Variants in TMEM63B observed in about 807,000 individuals in gnomAD.
TMEM63B encodes the protein mechanosensitive cation channel TMEM63B.
Under a neutral mutation model 102.6 loss-of-function variants are expected in TMEM63B, and 23 were observed. The ratio of observed to expected loss-of-function variants is 0.22; its 90% CI spans 0.16 to 0.32. TMEM63B has a LOEUF of 0.32. Ranked by LOEUF, TMEM63B falls within the 10% of genes least tolerant of loss-of-function variation. The pLI, the probability that TMEM63B is intolerant of heterozygous loss-of-function variation, is 1.00. For synonymous variants in TMEM63B, 444 were observed against 437.0 expected, an observed-to-expected ratio of 1.02 and a Z score of -0.20; for missense variants, 628 against 1,095.9, an observed-to-expected ratio of 0.57 and a Z score of 6.03.
chr6:44,147,090 G>A lies in TMEM63B; in HGVS notation c.863+163G>A, dbSNP rs543242145. Among the ~76,000 whole-genome samples, 3 of 152,290 alleles carry A rather than the reference G, an allele frequency of 2.0e-5. No homozygotes were observed. The East Asian group carries it at 5.8e-4, about 29-fold the overall frequency. On this transcript the variant is annotated intron_variant, in intron 11 of 23. Transcript: ENST00000323267. ...TTAATTCAGCTCTGGAAAGAGCAAG[G>A]CCTGGAGGTTAGAGTTTGTTGTGAG...
In TMEM63B at chr6:44,154,024, G is replaced by A. The variant is rs757804686; in HGVS notation, c.2111-49G>A. 3.1e-6 allele frequency: 5 copies of A among 1,591,660 alleles called. No homozygotes were observed. In the East Asian group the frequency reaches 1.1e-4, roughly 36 times the overall value. Reference sequence around the variant, plus strand: ...TCAGAGGGTATCAGAAGCTGGGGTGGGGAGGCCCACAGGAGATAGCAACCC... The same window carrying A: ...TCAGAGGGTATCAGAAGCTGGGGTGAGGAGGCCCACAGGAGATAGCAACCC... On this transcript the variant is annotated intron_variant, in intron 21 of 23. Coordinates refer to ENST00000323267, the MANE Select transcript of TMEM63B (RefSeq NM_018426.3).
At position 44,140,278 on chromosome 6, in the gene TMEM63B, C is replaced by T; in HGVS notation, c.629C>T (p.Ser210Phe). 6.2e-7 allele frequency: 1 copy of T among 1,614,054 alleles called. No individual in the cohort carries two copies. Among genetic ancestry groups the T allele is most frequent in the Non-Finnish European group, 8.5e-7 (1 of 1,179,976 alleles). Residue 210 changes from serine to phenylalanine, a missense_variant, in exon 9 of 24, where the codon TCC becomes TTC. Around this residue, in one of 6 missense-constraint regions of TMEM63B, gnomAD observed 336 missense variants for 580.3 expected, o/e 0.58. Coordinates refer to ENST00000323267, the MANE Select transcript of TMEM63B (RefSeq NM_018426.3). ...SGNNLLWLHT[S>F]FAFLYLLLTV... is the part of the protein sequence containing the mutation. ...AACAACCTGCTATGGCTGCACACCT[C>T]CTTCGCCTTCCTGTATCTGCTGCTC... is the stretch of plus-strand genomic sequence containing the variant.
chr6:44,144,741 C>T (rs1343533537), intron 10 of TMEM63B, among the ~76,000 whole-genome samples: 1 of 151,912 alleles, frequency 6.6e-6, no homozygotes, highest in East Asian at 1.9e-4. Context: ...GAACTACAGG[C>T]ACTCACCACC....
rs937657156 is a variant in TMEM63B at position 44,150,804 on chromosome 6, A to G, written c.1673+175A>G. Among the ~76,000 whole-genome samples, 2 of 152,216 alleles carry G rather than the reference A, an allele frequency of 1.3e-5. No homozygotes were observed. Among genetic ancestry groups the G allele is most frequent in the Non-Finnish European group, 2.9e-5 (2 of 68,036 alleles). ...CACCCACAAGGTGTCTTGGGTGTGT[A>G]TACATGGTAGAAGTCCCTGGGGTCT... On this transcript the variant is annotated intron_variant, in intron 18 of 23. Transcript: ENST00000323267. The surrounding 1 kb of genome is among the most constrained non-coding windows in gnomAD (Gnocchi z 4.7).
chr6:44,132,232 C>G (rs1196541416), intron 1 of TMEM63B: 3 of 983,430 alleles, frequency 3.1e-6, no homozygotes, highest in Non-Finnish European at 3.6e-6. Flanking sequence ...AAGATTAATG[C>G]TGTTGTGGAG....
chr6:44,151,711 G>A, intron 18 of TMEM63B, 135 bp from the exon 19 acceptor site: 1 of 1,027,532 alleles, frequency 9.7e-7, no homozygotes. Flanking sequence ...CAGGTGCTTG[G>A]GGCGCTAAGC....
upstream of TMEM63B, chr6:44,127,543 C>G (rs77423333): frequency 7.5e-6 from 1 of 133,562 alleles, no homozygotes; most frequent in East Asian, 2.5e-4. Flanking sequence ...TCCCCCCGCT[C>G]CCCCTCCCCC....
chr6:44,134,547 C>T lies in TMEM63B; in HGVS notation c.-24-14C>T, dbSNP rs1762558061. On this transcript the variant is annotated splice_polypyrimidine_tract_variant and intron_variant, in intron 1 of 23. Coordinates refer to ENST00000323267, the MANE Select transcript of TMEM63B (RefSeq NM_018426.3). Reference sequence around the variant, plus strand: ...TGGGGGCAAGCCCAGCTGACTGCTCCACCCTCTGCCCAGGAGGACCATGCG... The same window carrying T: ...TGGGGGCAAGCCCAGCTGACTGCTCTACCCTCTGCCCAGGAGGACCATGCG... 1.2e-6 allele frequency: 2 copies of T among 1,607,726 alleles called. No homozygotes were observed. The highest frequency in any genetic ancestry group is 2.2e-5 in the South Asian group (2 of 90,458).
chr6:44,130,907 C>A (rs1778137870), intron 1 of TMEM63B, among the ~76,000 whole-genome samples: 1 of 150,596 alleles, frequency 6.6e-6, no homozygotes, highest in Non-Finnish European at 1.5e-5. Context: ...GTGAGCCACC[C>A]CACCCTGCCT....
chr6:44,150,556 C>G lies in TMEM63B; in HGVS notation c.1608-8C>G. The G allele has an allele frequency of 2.5e-6, 4 of 1,614,134 alleles. No individual in the cohort carries two copies. The highest frequency in any genetic ancestry group is 3.4e-6 in the Non-Finnish European group (4 of 1,179,996). On this transcript the variant is annotated splice_polypyrimidine_tract_variant and splice_region_variant and intron_variant, in intron 17 of 23. Coordinates refer to ENST00000323267, the MANE Select transcript of TMEM63B (RefSeq NM_018426.3). The surrounding 1 kb of genome is among the most constrained non-coding windows in gnomAD (Gnocchi z 4.7). Reference sequence around the variant, plus strand: ...CTCCCACCCCATCTCTCCTCTGCTTCCCTCCAGCCTGGACCTCTTCTTCCG... The same window carrying G: ...CTCCCACCCCATCTCTCCTCTGCTTGCCTCCAGCCTGGACCTCTTCTTCCG...
intron 2 of TMEM63B, 23 bp from the exon 3 acceptor site, chr6:44,134,994 C>G: frequency 1.2e-6 from 2 of 1,613,872 alleles, no homozygotes; most frequent in Non-Finnish European, 1.7e-6. Flanking sequence ...TCTGCACTTG[C>G]CAACTGCCCC....
At chr6:44,140,435 T>C in intron 9 of TMEM63B, 75 bp downstream of exon 9, 2 of 1,255,450 alleles carry the variant, frequency 1.6e-6, no homozygotes, top group East Asian at 4.7e-5. Context: ...CTCTTTTGTC[T>C]CAGCCCCAAG....
rs751109767 is a variant in TMEM63B, at chr6:44,150,675, G to A, written c.1673+46G>A. ...GGGAAAGAGACCAGACAGCAGGGGT[G>A]GGTATGCTTGAGAGACATTGCCAGC... On this transcript the variant is annotated intron_variant, in intron 18 of 23. Transcript: ENST00000323267. This position sits in a 1 kb window ranked among gnomAD's most constrained non-coding sequence, Gnocchi z 4.7. The A allele has an allele frequency of 6.3e-7, 1 of 1,588,280 alleles. No homozygotes were observed. Among genetic ancestry groups the A allele is most frequent in the South Asian group, 1.1e-5 (1 of 90,122 alleles).
intron 1 of TMEM63B, among the ~76,000 whole-genome samples, chr6:44,130,949 ACT>A (rs1249547637): frequency 8.3e-6 from 1 of 120,476 alleles, no homozygotes; most frequent in Non-Finnish European, 1.8e-5. Flanking sequence ...ATGGAGTCTC[ACT>A]CTGTCGCCCA....
chr6:44,138,690 C>A, intron 6 of TMEM63B, 173 bp downstream of exon 6: 1 of 635,628 alleles, frequency 1.6e-6, no homozygotes, highest in Non-Finnish European at 2.7e-6. Flanking sequence ...CTGCTGTACC[C>A]TGAACACTCA....
chr6:44,130,938 G>A (rs1258534791), intron 1 of TMEM63B, among the ~76,000 whole-genome samples: 7 of 150,540 alleles, frequency 4.6e-5, no homozygotes, highest in Non-Finnish European at 7.4e-5. Flanking sequence ...TTTTTTTTGA[G>A]ATGGAGTCTC....
chr6:44,140,279 C>G lies in TMEM63B; in HGVS notation c.630C>G (p.Ser210=), dbSNP rs200327391. The part of the protein sequence containing the change: ...SGNNLLWLHT[S]FAFLYLLLTV... ...ACAACCTGCTATGGCTGCACACCTC[C>G]TTCGCCTTCCTGTATCTGCTGCTCA... Residue 210 remains serine (S), a synonymous_variant, in exon 9 of 24, where the codon TCC becomes TCG. Coordinates refer to ENST00000323267, the MANE Select transcript of TMEM63B (RefSeq NM_018426.3). 2 of 1,614,022 alleles carry G rather than the reference C, an allele frequency of 1.2e-6. No homozygotes were observed. The highest frequency in any genetic ancestry group is 1.7e-5 in the Admixed American group (1 of 60,008).
Position 44,153,631 on chromosome 6 carries a change from C to T in TMEM63B, c.1943-45C>T, listed in dbSNP as rs374709091. 136 of 1,588,016 alleles carry T rather than the reference C, an allele frequency of 8.6e-5. No individual in the cohort carries two copies. The South Asian group carries it at 9.6e-4, about 11-fold the overall frequency. Reference sequence around the variant, plus strand: ...ACCTGTGACAGACACACAAAAGGTTCGGCAGCACTGGTTCCGAGGTCAGGG... The same window carrying T: ...ACCTGTGACAGACACACAAAAGGTTTGGCAGCACTGGTTCCGAGGTCAGGG... On this transcript the variant is annotated intron_variant, in intron 20 of 23. Transcript: ENST00000323267.
At position 44,152,139 on chromosome 6, in the gene TMEM63B, G is replaced by T. The variant is rs955584535; in HGVS notation, c.1836+131G>T. On this transcript the variant is annotated intron_variant, in intron 19 of 23. Transcript: ENST00000323267. This position sits in a 1 kb window ranked among gnomAD's most constrained non-coding sequence, Gnocchi z 6.4. ...TGGGGAGTACAGTTGACTCACGGTGGATCCGGGCCATCCCCTTCCCATATC... is the reference window on the plus strand; with the variant it reads ...TGGGGAGTACAGTTGACTCACGGTGTATCCGGGCCATCCCCTTCCCATATC... 8.5e-6 allele frequency: 10 copies of T among 1,180,742 alleles called. No homozygotes were observed. The Middle Eastern group carries it at 8.7e-4, about 102-fold the overall frequency. The allele number at this position is 1,180,742 out of a possible 1,614,324, so 73.1% of individuals were successfully genotyped here.
Sources: gnomAD v4.1 joint callset for allele counts (sites outside exome capture counted in the v4.1 genomes callset) on GRCh38, gnomAD v4.1.1 for gene constraint, gnomAD v4.1.1 regional missense constraint, Gnocchi (gnomAD v3.1) non-coding constraint, MANE v1.5 for transcripts, NCBI Gene and HGNC (gene_info 2026-07-23, HGNC 2026-07-21) for gene names.